The following AGPAT3 variants were observed in gnomAD, a reference collection of about 807,000 sequenced individuals.
The protein encoded by AGPAT3 is 1-acyl-sn-glycerol-3-phosphate acyltransferase gamma.
AGPAT3 carries 5 observed loss-of-function variants against 47.3 expected under a neutral mutation model. That is an observed-to-expected ratio of 0.11 (90% CI 0.06 to 0.22). AGPAT3 has a LOEUF of 0.22. Among genes scored for constraint, AGPAT3 ranks in the 10% least tolerant of loss-of-function variants. The pLI is 1.00. For synonymous variants in AGPAT3, 212 were observed against 208.3 expected (o/e 1.02, Z -0.15); for missense variants, 315 against 493.0 (o/e 0.64, Z 3.42).
At chr21:43,869,450 CA>C (rs1247142487) in intron 1 of AGPAT3, among the ~76,000 whole-genome samples, 2 of 152,146 alleles carry the variant, frequency 1.3e-5, no homozygotes, top group African/African-American at 2.4e-5. Flanking sequence ...TGATTTTTGC[CA>C]AAATAGACAG....
chr21:43,965,795 T>A (rs1253621730), intron 3 of AGPAT3: 1 of 151,984 alleles, frequency 6.6e-6, no homozygotes, highest in African/African-American at 2.4e-5. Flanking sequence ...TATTTTTAAG[T>A]AGAGATGGGC....
chr21:43,920,753 C>T lies in AGPAT3; in HGVS notation c.-49+16734C>T, dbSNP rs920058143. Reference sequence around the variant, plus strand: ...GGAGGGTGGAGCCCTGGGGAGGGTACAGCAGCTCCGAGCTCCCTGCCCCAT... The same window carrying T: ...GGAGGGTGGAGCCCTGGGGAGGGTATAGCAGCTCCGAGCTCCCTGCCCCAT... On this transcript the variant is annotated intron_variant, in intron 2 of 9. Coordinates refer to ENST00000291572, the MANE Select transcript of AGPAT3 (RefSeq NM_020132.5). The surrounding 1 kb of genome is among the most constrained non-coding windows in gnomAD (Gnocchi z 6.1). Among the ~76,000 whole-genome samples, 2 of 152,076 alleles carry T rather than the reference C, an allele frequency of 1.3e-5. No homozygotes were observed. The highest frequency in any genetic ancestry group is 2.9e-5 in the Non-Finnish European group (2 of 68,006).
intron 1 of AGPAT3, among the ~76,000 whole-genome samples, chr21:43,900,869 G>GTGGTCCCGGGAC (rs1346603106): frequency 6.6e-6 from 1 of 152,172 alleles, no homozygotes; most frequent in Non-Finnish European, 1.5e-5. Context: ...ACTGCTCCCA[G>GTGGTCCCGGGAC]AACAAAGCCC....
chr21:43,927,353 T>G (rs767019212), intron 2 of AGPAT3, among the ~76,000 whole-genome samples: 11 of 152,240 alleles, frequency 7.2e-5, no homozygotes, highest in African/African-American at 2.4e-4. Flanking sequence ...GGAGTGTTTT[T>G]TGCTTGAAAT....
chr21:43,937,788 A>G (rs569018751), intron 2 of AGPAT3, among the ~76,000 whole-genome samples: 1 of 152,272 alleles, frequency 6.6e-6, no homozygotes, highest in South Asian at 2.1e-4. Flanking sequence ...AAGCTCCAAA[A>G]GACTCCTTTC....
At chr21:43,885,879 G>T (rs1569045612) in intron 1 of AGPAT3, among the ~76,000 whole-genome samples, 1 of 152,244 alleles carries the variant, frequency 6.6e-6, no homozygotes, top group Non-Finnish European at 1.5e-5. Flanking sequence ...GTGGCTCAGG[G>T]ATGGGTAAGC....
At chr21:43,968,836 AC>A (rs2089268820) in intron 4 of AGPAT3, among the ~76,000 whole-genome samples, 1 of 151,956 alleles carries the variant, frequency 6.6e-6, no homozygotes, top group Admixed American at 6.5e-5. Context: ...GTGAGGCAGC[AC>A]CCCCAGGCCA....
chr21:43,909,755 G>A (rs1241107887), intron 2 of AGPAT3, among the ~76,000 whole-genome samples: 2 of 152,226 alleles, frequency 1.3e-5, no homozygotes, highest in Non-Finnish European at 2.9e-5. Context: ...CCTGCAGGCC[G>A]GCTGTGGATC....
At chr21:43,941,428 A>G (rs1480628602) in intron 2 of AGPAT3, among the ~76,000 whole-genome samples, 1 of 152,182 alleles carries the variant, frequency 6.6e-6, no homozygotes, top group Non-Finnish European at 1.5e-5. Flanking sequence ...CCCAGAGCCA[A>G]AAGACAGAAT....
intron 2 of AGPAT3, among the ~76,000 whole-genome samples, chr21:43,937,542 C>A (rs1487626369): frequency 6.6e-6 from 1 of 152,152 alleles, no homozygotes; most frequent in Non-Finnish European, 1.5e-5. Flanking sequence ...AGTCTGATGT[C>A]AGGAAAAGGG....
At chr21:43,892,781 TGTTTC>T (rs1187381012) in intron 1 of AGPAT3, among the ~76,000 whole-genome samples, 2 of 152,218 alleles carry the variant, frequency 1.3e-5, no homozygotes, top group Non-Finnish European at 2.9e-5. Context: ...AATATCAGGC[TGTTTC>T]GTCTACATCA....
rs1283615094 is a variant in AGPAT3, at chr21:43,985,178, C to T, written c.*2786C>T. The T allele has an allele frequency of 2.2e-6, 1 of 456,310 alleles. No homozygotes were observed. The highest frequency in any genetic ancestry group is 6.9e-5 in the East Asian group (1 of 14,390). The allele number at this position is 456,310 out of a possible 1,614,324, so 28.3% of individuals were successfully genotyped here. A position where few individuals can be genotyped will look rare whatever the true frequency, so the allele number is the denominator to read the frequency against. ...GCCCAGGTGCCAGGTGTCATGGGGT[C>T]TCCTGCCCATCTTCCCAAGGATGCC... On this transcript the variant is annotated 3_prime_UTR_variant, in exon 10 of 10. Transcript: ENST00000291572.
intron 2 of AGPAT3, among the ~76,000 whole-genome samples, chr21:43,945,793 T>G (rs988826631): frequency 2.0e-5 from 3 of 152,246 alleles, no homozygotes; most frequent in African/African-American, 7.2e-5. Flanking sequence ...CGGTAAATAA[T>G]GAGTACACCT....
intron 7 of AGPAT3, 30 bp downstream of exon 7, chr21:43,971,520 G>A (rs777552358): frequency 1.6e-5 from 26 of 1,600,984 alleles, no homozygotes; most frequent in South Asian, 3.3e-5. Context: ...CTCTCGCGCC[G>A]CCCCCCATAC....
chr21:43,949,375 T>C (rs2088072314), intron 2 of AGPAT3, among the ~76,000 whole-genome samples: 1 of 152,218 alleles, frequency 6.6e-6, no homozygotes, highest in Non-Finnish European at 1.5e-5. Context: ...TAGAGCTGCC[T>C]GGAGAACCTC....
At chr21:43,951,743 C>A (rs1352426271) in intron 2 of AGPAT3, among the ~76,000 whole-genome samples, 1 of 152,228 alleles carries the variant, frequency 6.6e-6, no homozygotes, top group Non-Finnish European at 1.5e-5. Flanking sequence ...GTGTTTACCC[C>A]TCATAGAAAC....
rs2087377708 is a variant in AGPAT3, at chr21:43,934,822, T to C, written c.-48-24812T>C. Among the ~76,000 whole-genome samples the C allele has an allele frequency of 7.0e-6, 1 of 142,910 alleles. No homozygotes were observed. Among genetic ancestry groups the C allele is most frequent in the Non-Finnish European group, 1.5e-5 (1 of 66,128 alleles). The allele number at this position is 142,910 out of a possible 152,430, so 93.8% of individuals were successfully genotyped here. On this transcript the variant is annotated intron_variant, in intron 2 of 9. Coordinates refer to ENST00000291572, the MANE Select transcript of AGPAT3 (RefSeq NM_020132.5). The surrounding 1 kb of genome is among the most constrained non-coding windows in gnomAD (Gnocchi z 4.7). ...CCACCCATGCCACCCACACCACCTC[T>C]ACCCCTCACGTCACCGACGCCACTC...
chr21:43,896,040 T>A (rs1221954478), intron 1 of AGPAT3, among the ~76,000 whole-genome samples: 1 of 152,194 alleles, frequency 6.6e-6, no homozygotes, highest in Non-Finnish European at 1.5e-5. Flanking sequence ...AGTGCCGAGA[T>A]TACAGGCATG....
intron 1 of AGPAT3, among the ~76,000 whole-genome samples, chr21:43,871,400 G>A (rs554272949): frequency 1.3e-5 from 2 of 152,306 alleles, no homozygotes; most frequent in East Asian, 3.8e-4. Context: ...GCCTACGGGA[G>A]ACCCTCCCGT....
Sources: gnomAD v4.1 joint callset for allele counts (sites outside exome capture counted in the v4.1 genomes callset) on GRCh38, gnomAD v4.1.1 for gene constraint, Gnocchi (gnomAD v3.1) non-coding constraint, MANE v1.5 for transcripts, NCBI Gene and HGNC (gene_info 2026-07-23, HGNC 2026-07-21) for gene names.